ALK: variants seen among roughly 807,000 people sequenced by gnomAD.
ALK encodes ALK tyrosine kinase receptor.
A neutral mutation model predicts 163.1 loss-of-function variants in ALK; 74 were observed. That is an observed-to-expected ratio of 0.45 (90% CI 0.38 to 0.55). ALK has a LOEUF of 0.55. Among genes scored for constraint, ALK ranks in the 20% least tolerant of loss-of-function variants. ALK has a pLI of 0.00. For synonymous variants in ALK, 960 were observed against 843.2 expected, an observed-to-expected ratio of 1.14 and a Z score of -2.40; for missense variants, 2,063 against 2,105.3, an observed-to-expected ratio of 0.98 and a Z score of 0.39.
chr2:29,730,260 C>G (rs1034241029), intron 1 of ALK, among the ~76,000 whole-genome samples: 1 of 152,124 alleles, frequency 6.6e-6, no homozygotes, highest in Non-Finnish European at 1.5e-5. Flanking sequence ...CTAGTGTGTA[C>G]CCTCAGCACA....
At chr2:29,806,142 G>A (rs1335704315) in intron 1 of ALK, among the ~76,000 whole-genome samples, 1 of 152,058 alleles carries the variant, frequency 6.6e-6, no homozygotes, top group Non-Finnish European at 1.5e-5. Flanking sequence ...TCTTCTAACT[G>A]TGATACCATA....
chr2:29,217,071 G>A (rs1487437523), intron 23 of ALK, among the ~76,000 whole-genome samples: 1 of 144,760 alleles, frequency 6.9e-6, no homozygotes, highest in Non-Finnish European at 1.5e-5. Flanking sequence ...ATGTGTATGT[G>A]TAGTGTATGT....
Position 29,877,175 on chromosome 2 carries a change from T to C in ALK, c.667+42818A>G, listed in dbSNP as rs879381974. 4.3e-4 allele frequency among the ~76,000 whole-genome samples: 66 copies of C among 152,226 alleles called. 1 individual carries two copies. The highest frequency in any genetic ancestry group is 8.7e-4 in the Non-Finnish European group (59 of 68,040). On this transcript the variant is annotated intron_variant, in intron 1 of 28. Transcript: ENST00000389048. ...ATAAACATAAATATATAACTTCTTT[T>C]TGCCTGTTTATAAGTTAAGTTGGAG...
At chr2:29,466,679 C>T (rs1671221834) in intron 4 of ALK, among the ~76,000 whole-genome samples, 1 of 152,232 alleles carries the variant, frequency 6.6e-6, no homozygotes, top group Admixed American at 6.5e-5. Flanking sequence ...GATGGCTTCT[C>T]AATGGTGTGT....
chr2:29,459,605 T>G (rs1264558061), intron 4 of ALK, among the ~76,000 whole-genome samples: 1 of 152,100 alleles, frequency 6.6e-6, no homozygotes, highest in East Asian at 1.9e-4. Context: ...TTTTTCTTCC[T>G]GAATTAAAAA....
intron 23 of ALK, among the ~76,000 whole-genome samples, chr2:29,220,397 G>C (rs1669768589): frequency 6.6e-6 from 1 of 152,166 alleles, no homozygotes; most frequent in Non-Finnish European, 1.5e-5. Context: ...AGAACTATGA[G>C]CCACTTAAAT....
At chr2:29,433,430 A>G (rs762634628) in intron 4 of ALK, among the ~76,000 whole-genome samples, 2 of 152,200 alleles carry the variant, frequency 1.3e-5, no homozygotes, top group African/African-American at 2.4e-5. Flanking sequence ...GCTTGATACT[A>G]TATCTGAGAG....
intron 1 of ALK, among the ~76,000 whole-genome samples, chr2:29,814,836 T>C (rs200366775): frequency 2.7e-5 from 3 of 110,906 alleles, no homozygotes; most frequent in African/African-American, 6.0e-5. Flanking sequence ...TATGAGAAAT[T>C]GTAAGTACAA....
At chr2:29,536,726 T>C (rs1673267023) in intron 3 of ALK, among the ~76,000 whole-genome samples, 1 of 152,188 alleles carries the variant, frequency 6.6e-6, no homozygotes, top group African/African-American at 2.4e-5. Flanking sequence ...TGGAACTTCT[T>C]AGAGACTAAT....
At chr2:29,388,655 G>A (rs1400856362) in intron 4 of ALK, among the ~76,000 whole-genome samples, 3 of 152,224 alleles carry the variant, frequency 2.0e-5, no homozygotes, top group Non-Finnish European at 2.9e-5. Context: ...TTAGCACACG[G>A]TAGGAGCTCC....
chr2:29,426,450 T>C (rs1670137159), intron 4 of ALK, among the ~76,000 whole-genome samples: 1 of 151,962 alleles, frequency 6.6e-6, no homozygotes, highest in Admixed American at 6.6e-5. Flanking sequence ...CTCAAAAAGA[T>C]TAATAGCTGC....
Position 29,326,976 on chromosome 2 carries a change from C to T in ALK, c.1414+1374G>A, listed in dbSNP as rs548742324. On this transcript the variant is annotated intron_variant, in intron 6 of 28. Coordinates refer to ENST00000389048, the MANE Select transcript of ALK (RefSeq NM_004304.5). Reference sequence around the variant, plus strand: ...CCCAGTCCAGGCTCCATTTCACTCCCGCCCCTGTGTGAAGCTTTCAGTGCT... The same window carrying T: ...CCCAGTCCAGGCTCCATTTCACTCCTGCCCCTGTGTGAAGCTTTCAGTGCT... Among the ~76,000 whole-genome samples the T allele has an allele frequency of 4.6e-5, 7 of 152,342 alleles. No individual in the cohort carries two copies. In the South Asian group the frequency reaches 6.2e-4, roughly 14 times the overall value.
chr2:29,837,563 G>A (rs1012990318), intron 1 of ALK, among the ~76,000 whole-genome samples: 1 of 152,198 alleles, frequency 6.6e-6, no homozygotes, highest in African/African-American at 2.4e-5. Context: ...AGACTGTGGA[G>A]AATCCTCGAT....
At chr2:29,494,593 G>A (rs1217538568) in intron 4 of ALK, among the ~76,000 whole-genome samples, 1 of 152,168 alleles carries the variant, frequency 6.6e-6, no homozygotes, top group Non-Finnish European at 1.5e-5. Context: ...TGCCAGGCAT[G>A]TCCAGCCCCT....
intron 1 of ALK, among the ~76,000 whole-genome samples, chr2:29,724,375 C>T (rs564413096): frequency 1.3e-5 from 2 of 152,190 alleles, no homozygotes; most frequent in African/African-American, 2.4e-5. Flanking sequence ...CTTAATGTGG[C>T]CAAATAAATA....
At chr2:29,329,832 C>T (rs1388574218) in intron 5 of ALK, among the ~76,000 whole-genome samples, 1 of 152,184 alleles carries the variant, frequency 6.6e-6, no homozygotes, top group African/African-American at 2.4e-5. Context: ...CACATCTGGC[C>T]CTGTGAGGAA....
intron 2 of ALK, among the ~76,000 whole-genome samples, chr2:29,698,288 T>G (rs1678631808): frequency 6.6e-6 from 1 of 152,154 alleles, no homozygotes; most frequent in African/African-American, 2.4e-5. Flanking sequence ...CATTTTGTAC[T>G]TTGCAACACC....
chr2:29,357,049 C>T (rs1471781628), intron 5 of ALK, among the ~76,000 whole-genome samples: 1 of 152,086 alleles, frequency 6.6e-6, no homozygotes, highest in Non-Finnish European at 1.5e-5. Flanking sequence ...CAACTGAGTG[C>T]GAAGATTCAA....
intron 1 of ALK, among the ~76,000 whole-genome samples, chr2:29,843,411 G>A (rs903338234): frequency 2.0e-5 from 3 of 152,096 alleles, no homozygotes; most frequent in Non-Finnish European, 4.4e-5. Context: ...GGGTACCTGT[G>A]CAACTGCTGG....
Sources: allele counts gnomAD v4.1 joint callset (sites outside exome capture counted in the v4.1 genomes callset), GRCh38; gene constraint gnomAD v4.1.1; transcripts MANE v1.5; gene names NCBI Gene and HGNC (gene_info 2026-07-23, HGNC 2026-07-21).